Variants in PALMD observed in about 807,000 individuals in gnomAD.
PALMD encodes paralemmin-like protein.
Under a neutral mutation model 56.2 loss-of-function variants are expected in PALMD, and 42 were observed. That is an observed-to-expected ratio of 0.75 (90% CI 0.58 to 0.97). PALMD has a LOEUF of 0.97. Among genes scored for constraint, PALMD ranks in the 50% least tolerant of loss-of-function variants. The pLI, the probability that PALMD is intolerant of heterozygous loss-of-function variation, is 0.00. For synonymous variants in PALMD, 242 were observed against 222.9 expected, an observed-to-expected ratio of 1.09 and a Z score of -0.76; for missense variants, 660 against 643.8, an observed-to-expected ratio of 1.03 and a Z score of -0.27.
intron 7 of PALMD, among the ~76,000 whole-genome samples, chr1:99,693,088 C>A (rs1322643286): frequency 3.3e-5 from 5 of 152,200 alleles, no homozygotes; most frequent in Non-Finnish European, 5.9e-5. Context: ...GGTATGGGGT[C>A]ATTTCCATTG....
At chr1:99,651,700 C>A (rs536597817) in intron 1 of PALMD, among the ~76,000 whole-genome samples, 3 of 152,150 alleles carry the variant, frequency 2.0e-5, no homozygotes, top group Non-Finnish European at 2.9e-5. Context: ...TACCCAGAAC[C>A]CTGTGGCATG....
intron 3 of PALMD, among the ~76,000 whole-genome samples, chr1:99,679,307 T>C (rs1424296297): frequency 6.6e-6 from 1 of 152,238 alleles, no homozygotes; most frequent in Admixed American, 6.5e-5. Context: ...ATTTAAGACC[T>C]ACTGCTTTAA....
intron 7 of PALMD, among the ~76,000 whole-genome samples, chr1:99,691,981 C>T (rs1557676725): frequency 1.3e-5 from 2 of 152,022 alleles, no homozygotes; most frequent in Admixed American, 1.3e-4. Context: ...TTTTTTTAGT[C>T]AAAATTTTGA....
At chr1:99,690,899 A>C (rs1295511442) in intron 7 of PALMD, among the ~76,000 whole-genome samples, 1 of 152,156 alleles carries the variant, frequency 6.6e-6, no homozygotes, top group Non-Finnish European at 1.5e-5. Context: ...ACAATTACCT[A>C]CACAATTCAA....
intron 3 of PALMD, among the ~76,000 whole-genome samples, chr1:99,671,992 A>G (rs900419299): frequency 1.3e-5 from 2 of 152,200 alleles, no homozygotes; most frequent in African/African-American, 4.8e-5. Context: ...CTATACTTTT[A>G]TAGCATTTTT....
In PALMD at chr1:99,656,013, T is replaced by A. The variant is rs1047547313; in HGVS notation, c.46-6306T>A. On this transcript the variant is annotated intron_variant, in intron 1 of 7. Coordinates refer to ENST00000263174, the MANE Select transcript of PALMD (RefSeq NM_017734.5). ...CAGTGTTTTCATGTTTCACATCTCA[T>A]CACCCTGAATTTTTACCTTATTTAC... 3.9e-5 allele frequency among the ~76,000 whole-genome samples: 6 copies of A among 152,116 alleles called. No individual in the cohort carries two copies. In the South Asian group the frequency reaches 8.3e-4, roughly 21 times the overall value.
chr1:99,666,274 T>C lies in PALMD; in HGVS notation c.127-1368T>C, dbSNP rs78759338. Among the ~76,000 whole-genome samples the C allele has an allele frequency of 3.1e-4, 47 of 152,158 alleles. 2 individuals are homozygous for C. In the East Asian group the frequency reaches 6.8e-3, roughly 22 times the overall value. ...TTTTTAAGAAAAAAAGATTTAAAAG[T>C]CATTGCCTCAGTAAAAAATAATCAT... On this transcript the variant is annotated intron_variant, in intron 2 of 7. Transcript: ENST00000263174.
rs540028448 is a variant in PALMD at position 99,662,353 on chromosome 1, A to T, written c.80A>T (p.Lys27Met). 8.3e-6 allele frequency: 13 copies of T among 1,575,726 alleles called. No individual in the cohort carries two copies. The Admixed American group carries it at 2.1e-4, about 25-fold the overall frequency. ...KRKIQEEISQKRLKIEEDKLK... is the reference protein window; with the variant it reads ...KRKIQEEISQMRLKIEEDKLK... ...AAAATACAGGAAGAAATCTCACAGA[A>T]GCGTCTGAAAATAGAGGAAGACAAA... The change falls in exon 2 of 8, where the codon AAG (lysine) becomes ATG (methionine). Residue 27 changes from lysine to methionine, a missense_variant. Transcript: ENST00000263174.
chr1:99,671,119 T>C (rs747390002), intron 3 of PALMD, among the ~76,000 whole-genome samples: 4 of 152,158 alleles, frequency 2.6e-5, no homozygotes, highest in Non-Finnish European at 5.9e-5. Context: ...ATGTGATTTA[T>C]CACTTGACTT....
intron 3 of PALMD, chr1:99,685,648 T>C (rs1409491680): frequency 2.0e-5 from 3 of 152,226 alleles, no homozygotes; most frequent in Non-Finnish European, 4.4e-5. Flanking sequence ...GCCAGGCCCA[T>C]GACCATCTTC....
At position 99,667,740 on chromosome 1, in the gene PALMD, C is replaced by A. The variant is rs1456203006; in HGVS notation, c.225C>A (p.Ile75=). The change falls in exon 3 of 8, where the codon ATC becomes ATA. Residue 75 remains isoleucine (I), a synonymous_variant. Transcript: ENST00000263174. ...KKQNQQDQHQ[I]QVLEQSILRL... ...AAAATCAACAAGACCAGCACCAGAT[C>A]CAGGTTCTAGAACAAAGTATCCTCA... The A allele has an allele frequency of 1.2e-6, 2 of 1,613,556 alleles. No individual in the cohort carries two copies. Among genetic ancestry groups the A allele is most frequent in the Non-Finnish European group, 1.7e-6 (2 of 1,179,608 alleles).
chr1:99,648,705 A>G (rs1470964949), intron 1 of PALMD, among the ~76,000 whole-genome samples: 1 of 152,086 alleles, frequency 6.6e-6, no homozygotes, highest in Non-Finnish European at 1.5e-5. Context: ...TGCTTTTTAC[A>G]TTAAAATTCG....
chr1:99,674,889 A>T (rs1653167596), intron 3 of PALMD, among the ~76,000 whole-genome samples: 2 of 152,254 alleles, frequency 1.3e-5, no homozygotes, highest in Admixed American at 1.3e-4. Context: ...TCATTGTAAT[A>T]GAGAAAGGAT....
At chr1:99,664,419 C>T (rs1652916546) in intron 2 of PALMD, among the ~76,000 whole-genome samples, 1 of 152,108 alleles carries the variant, frequency 6.6e-6, no homozygotes, top group African/African-American at 2.4e-5. Context: ...ATATTATGTA[C>T]AAGCTATGAA....
chr1:99,682,185 G>A (rs934249983), intron 3 of PALMD, among the ~76,000 whole-genome samples: 15 of 152,132 alleles, frequency 9.9e-5, no homozygotes, highest in African/African-American at 3.6e-4. Context: ...AATATTTGAA[G>A]TATCAAATCA....
chr1:99,675,242 T>C (rs1160736977), intron 3 of PALMD, among the ~76,000 whole-genome samples: 1 of 152,170 alleles, frequency 6.6e-6, no homozygotes, highest in African/African-American at 2.4e-5. Context: ...TAGTCAGGGA[T>C]AAATGTTAAG....
At chr1:99,664,213 AT>A (rs777866443) in intron 2 of PALMD, among the ~76,000 whole-genome samples, 7 of 152,166 alleles carry the variant, frequency 4.6e-5, no homozygotes, top group African/African-American at 1.2e-4. Flanking sequence ...CATTGTCCTA[AT>A]TTGGGAAATT....
chr1:99,673,413 T>G (rs1405005207), intron 3 of PALMD, among the ~76,000 whole-genome samples: 1 of 152,072 alleles, frequency 6.6e-6, no homozygotes, highest in African/African-American at 2.4e-5. Flanking sequence ...TCTGCCTTCC[T>G]ACCCTAACCC....
chr1:99,653,211 T>C (rs552859061), intron 1 of PALMD, among the ~76,000 whole-genome samples: 2 of 152,252 alleles, frequency 1.3e-5, no homozygotes, highest in African/African-American at 4.8e-5. Flanking sequence ...AATGAATGAA[T>C]GAACAAATAC....
Sources: allele counts gnomAD v4.1 joint callset (sites outside exome capture counted in the v4.1 genomes callset), GRCh38; gene constraint gnomAD v4.1.1; transcripts MANE v1.5; gene names NCBI Gene and HGNC (gene_info 2026-07-23, HGNC 2026-07-21).